PAPPA2: variants seen among roughly 807,000 people sequenced by gnomAD.
PAPPA2 encodes the protein pappalysin 2, also known as pappalysin-2.
In PAPPA2, 86 loss-of-function variants were observed where a neutral mutation model predicts 176.4. The observed-to-expected ratio is 0.49, with a 90% confidence interval of 0.41 to 0.58. The LOEUF (loss-of-function observed/expected upper bound fraction) is 0.58. Among genes scored for constraint, PAPPA2 ranks in the 20% least tolerant of loss-of-function variants. The pLI is 0.00. For synonymous variants in PAPPA2, 809 were observed against 852.2 expected (o/e 0.95, Z 0.88); for missense variants, 2,073 against 2,256.9 (o/e 0.92, Z 1.65).
At position 176,844,217 on chromosome 1, in the gene PAPPA2, A is replaced by G. The variant is rs1386064688; in HGVS notation, c.*1763A>G. ...TTCTTCTCCAATGGAAACCAAGAAC[A>G]GACAAAATTTAGAGCTCAGCTGTGG... is the stretch of plus-strand genomic sequence containing the variant. On this transcript the variant is annotated 3_prime_UTR_variant, in exon 23 of 23. Coordinates refer to ENST00000367662, the MANE Select transcript of PAPPA2 (RefSeq NM_020318.3). 6.6e-6 allele frequency: 1 copy of G among 152,168 alleles called. No homozygotes were observed. The highest frequency in any genetic ancestry group is 2.4e-5 in the African/African-American group (1 of 41,442). The allele number at this position is 152,168 out of a possible 1,614,324, so 9.4% of individuals were successfully genotyped here.
At chr1:176,664,233 G>C (rs959531496) in intron 3 of PAPPA2, among the ~76,000 whole-genome samples, 4 of 152,198 alleles carry the variant, frequency 2.6e-5, no homozygotes, top group Admixed American at 2.0e-4. Context: ...TAGGTCAGAA[G>C]TTTAACATAA....
At chr1:176,692,661 C>T (rs1660172659) in intron 6 of PAPPA2, among the ~76,000 whole-genome samples, 1 of 152,184 alleles carries the variant, frequency 6.6e-6, no homozygotes, top group African/African-American at 2.4e-5. Context: ...GGCAGCTTGC[C>T]ACTTGCAGAG....
chr1:176,706,473 A>G (rs1056040898), intron 10 of PAPPA2, 23 bp downstream of exon 10: 2 of 1,597,212 alleles, frequency 1.3e-6, no homozygotes, highest in Non-Finnish European at 8.6e-7. Flanking sequence ...GTTTCAGTCT[A>G]AGATTGTGTC....
intron 1 of PAPPA2, among the ~76,000 whole-genome samples, chr1:176,475,475 T>C (rs1438166583): frequency 6.6e-6 from 1 of 152,222 alleles, no homozygotes; most frequent in Admixed American, 6.5e-5. Context: ...GAGAGAGGGC[T>C]ACCTCCTTTA....
intron 14 of PAPPA2, among the ~76,000 whole-genome samples, chr1:176,748,240 C>T (rs188017951): frequency 1.3e-5 from 2 of 152,244 alleles, no homozygotes; most frequent in African/African-American, 4.8e-5. Flanking sequence ...TGTCTCATAT[C>T]CTGAAAGAGC....
intron 14 of PAPPA2, among the ~76,000 whole-genome samples, chr1:176,748,097 G>A (rs936534858): frequency 1.3e-5 from 2 of 152,192 alleles, no homozygotes; most frequent in African/African-American, 4.8e-5. Context: ...CATGTCACTT[G>A]TCCCACCCAC....
rs57185368 is a variant in PAPPA2, at chr1:176,791,173, A to ATTTTT, written c.4885-150_4885-146dup. 8.1e-3 allele frequency among the ~76,000 whole-genome samples: 658 copies of ATTTTT among 80,866 alleles called. 100 individuals are homozygous for ATTTTT. The highest frequency in any genetic ancestry group is 0.031 in the African/African-American group (510 of 16,574). 53.1% of individuals were successfully genotyped at this position (80,866 alleles called of 152,430 possible). On this transcript the variant is annotated intron_variant, in intron 18 of 22. Coordinates refer to ENST00000367662, the MANE Select transcript of PAPPA2 (RefSeq NM_020318.3). ...TTCCTCTGCTTGGAAAAAGCAAAGAATTTTTTTTTTTTTTTTTTTTTTTTT... is the reference window on the plus strand; with the variant it reads ...TTCCTCTGCTTGGAAAAAGCAAAGAATTTTTTTTTTTTTTTTTTTTTTTTTTTTTT...
intron 1 of PAPPA2, among the ~76,000 whole-genome samples, chr1:176,498,821 G>C (rs559434973): frequency 6.6e-6 from 1 of 151,548 alleles, no homozygotes; most frequent in African/African-American, 2.4e-5. Context: ...TGGAAATGCT[G>C]GTCAGAAGTG....
intron 3 of PAPPA2, among the ~76,000 whole-genome samples, chr1:176,666,702 A>G (rs557692565): frequency 1.4e-4 from 21 of 151,858 alleles, no homozygotes; most frequent in African/African-American, 4.8e-4. Context: ...AGAAGGAGGT[A>G]TGAGCATCTA....
At chr1:176,481,381 G>C (rs750977659) in intron 1 of PAPPA2, among the ~76,000 whole-genome samples, 1 of 151,872 alleles carries the variant, frequency 6.6e-6, no homozygotes, top group Non-Finnish European at 1.5e-5. Flanking sequence ...GAGTGATGCC[G>C]TGTGGCAGCT....
At chr1:176,683,541 G>A (rs758220682) in intron 4 of PAPPA2, among the ~76,000 whole-genome samples, 10 of 152,168 alleles carry the variant, frequency 6.6e-5, no homozygotes, top group Admixed American at 1.3e-4. Context: ...ATGCTGATGA[G>A]CAGTAGTAAT....
intron 1 of PAPPA2, among the ~76,000 whole-genome samples, chr1:176,525,343 G>A (rs1486809336): frequency 2.0e-5 from 3 of 152,078 alleles, no homozygotes; most frequent in Admixed American, 6.5e-5. Flanking sequence ...CTCACAATTG[G>A]TGCATTTGCT....
rs562281176 is a variant in PAPPA2, at chr1:176,479,246, A to G, written c.-917+15828A>G. The stretch of plus-strand genomic sequence containing the variant: ...AAAGCACGGGGCCAGATTCTGAGAG[A>G]GTGTAAGGCAGCAGCGTTAGAACCA... On this transcript the variant is annotated intron_variant, in intron 1 of 22. Transcript: ENST00000367662. 3.3e-4 allele frequency among the ~76,000 whole-genome samples: 50 copies of G among 152,252 alleles called. 1 individual carries two copies. Among genetic ancestry groups the G allele is most frequent in the Middle Eastern group, 6.8e-3 (2 of 294 alleles).
At chr1:176,663,135 G>T (rs944528495) in intron 3 of PAPPA2, among the ~76,000 whole-genome samples, 1 of 152,090 alleles carries the variant, frequency 6.6e-6, no homozygotes, top group Non-Finnish European at 1.5e-5. Context: ...GCCTTTGGGA[G>T]GTTCCAAAAG....
At chr1:176,719,173 A>G (rs750438832) in intron 12 of PAPPA2, among the ~76,000 whole-genome samples, 3 of 152,024 alleles carry the variant, frequency 2.0e-5, no homozygotes, top group Non-Finnish European at 4.4e-5. Context: ...TTAATAATCA[A>G]TGGGAAAAAT....
intron 1 of PAPPA2, among the ~76,000 whole-genome samples, chr1:176,540,442 T>G (rs1650305709): frequency 6.6e-6 from 1 of 152,226 alleles, no homozygotes; most frequent in East Asian, 1.9e-4. Flanking sequence ...GTGCTTCATT[T>G]GAAATTCTGA....
At chr1:176,713,035 T>G (rs754184308) in intron 12 of PAPPA2, among the ~76,000 whole-genome samples, 1 of 152,214 alleles carries the variant, frequency 6.6e-6, no homozygotes, top group Non-Finnish European at 1.5e-5. Context: ...TCTTCATAAT[T>G]TGTATTATTT....
chr1:176,594,220 GC>G (rs1423128354), intron 2 of PAPPA2, among the ~76,000 whole-genome samples: 1 of 152,246 alleles, frequency 6.6e-6, no homozygotes, highest in Non-Finnish European at 1.5e-5. Flanking sequence ...GTGATGGAGT[GC>G]TAGAGGATTC....
intron 1 of PAPPA2, among the ~76,000 whole-genome samples, chr1:176,487,844 A>C (rs1210365174): frequency 6.6e-6 from 1 of 152,148 alleles, no homozygotes; most frequent in East Asian, 1.9e-4. Flanking sequence ...AAATAAGATA[A>C]TTGGGCCAAG....
Sources: gnomAD v4.1 joint callset for allele counts (sites outside exome capture counted in the v4.1 genomes callset) on GRCh38, gnomAD v4.1.1 for gene constraint, MANE v1.5 for transcripts, NCBI Gene and HGNC (gene_info 2026-07-23, HGNC 2026-07-21) for gene names.